The following TNXB variants were observed in gnomAD, a reference collection of about 807,000 sequenced individuals.
TNXB encodes the protein tenascin-X.
A neutral mutation model predicts 340.5 loss-of-function variants in TNXB; 183 were observed. That is an observed-to-expected ratio of 0.54 (90% CI 0.48 to 0.61). The LOEUF is 0.61. Among genes scored for constraint, TNXB ranks in the 20% least tolerant of loss-of-function variants. The pLI is 0.00. For synonymous variants in TNXB, 2,121 were observed against 2,314.5 expected (o/e 0.92, Z 2.40); for missense variants, 4,613 against 5,446.4 (o/e 0.85, Z 4.82).
intron 21 of TNXB, among the ~76,000 whole-genome samples, chr6:32,059,683 C>T (rs1777896505): frequency 6.6e-6 from 1 of 151,834 alleles, no homozygotes; most frequent in Admixed American, 6.5e-5. Flanking sequence ...CCCCTGTTTC[C>T]CAACACTCAG....
chr6:32,054,347 C>G (rs1479430245), intron 24 of TNXB, among the ~76,000 whole-genome samples: 1 of 152,212 alleles, frequency 6.6e-6, no homozygotes, highest in Non-Finnish European at 1.5e-5. Context: ...CATCTCAGCA[C>G]AGACCTGGGC....
chr6:32,084,298 T>G lies in TNXB; in HGVS notation c.3445+115A>C. On this transcript the variant is annotated intron_variant, in intron 8 of 43. Coordinates refer to ENST00000644971, the MANE Select transcript of TNXB (RefSeq NM_001365276.2). The surrounding 1 kb of genome is among the most constrained non-coding windows in gnomAD (Gnocchi z 5.5). ...CACTACTTTCCCTTCAGAATTCAGC[T>G]CATGCACCACTGCCTCCAGGAAGCC... 1 of 1,040,218 alleles carries G rather than the reference T, an allele frequency of 9.6e-7. No homozygotes were observed. The highest frequency in any genetic ancestry group is 1.3e-6 in the Non-Finnish European group (1 of 743,576). 64.4% of individuals were successfully genotyped at this position (1,040,218 alleles called of 1,614,324 possible). A position where few individuals can be genotyped will look rare whatever the true frequency, so the allele number is the denominator to read the frequency against.
At position 32,102,498 on chromosome 6, in the gene TNXB, A is replaced by G. The variant is rs141849248; in HGVS notation, c.-8-4292T>C. 1.1e-3 allele frequency among the ~76,000 whole-genome samples: 166 copies of G among 152,362 alleles called. 1 individual carries two copies. The highest frequency in any genetic ancestry group is 3.8e-3 in the African/African-American group (156 of 41,592). ...CAACATGGGTGAATTTCACACACAT[A>G]GTGCTGAGTAAAAAATATCACACAC... On this transcript the variant is annotated intron_variant, in intron 1 of 43. Transcript: ENST00000644971.
In TNXB at chr6:32,044,385, G is replaced by T; in HGVS notation, c.11259C>A (p.Ser3753Arg). Residue 3753 changes from serine to arginine, a missense_variant, in exon 33 of 44, where the codon AGC becomes AGA. Physicochemically the swap from Ser to Arg is moderately radical, Grantham distance 110. Transcript: ENST00000644971. ...DSIQGTARTL[S>R]PVLESPRDLQ... Reference sequence around the variant, plus strand: ...AGAGTGTGTGTGGGTCCTTACCTGGGCTGAGGGTGCGGGCGGTTCCCTGGA... The same window carrying T: ...AGAGTGTGTGTGGGTCCTTACCTGGTCTGAGGGTGCGGGCGGTTCCCTGGA... The T allele has an allele frequency of 2.3e-6, 1 of 427,478 alleles. No individual in the cohort carries two copies. The highest frequency in any genetic ancestry group is 3.9e-6 in the Non-Finnish European group (1 of 255,048). 26.5% of individuals were successfully genotyped at this position (427,478 alleles called of 1,614,324 possible).
chr6:32,045,936 G>C (rs1776836929), intron 31 of TNXB: 1 of 1,269,850 alleles, frequency 7.9e-7, no homozygotes, highest in Admixed American at 3.4e-5. Flanking sequence ...GCAGAGTCGG[G>C]GCTGGGAGAT....
At chr6:32,101,483 G>A (rs546156539) in intron 1 of TNXB, among the ~76,000 whole-genome samples, 1 of 151,660 alleles carries the variant, frequency 6.6e-6, no homozygotes, top group Non-Finnish European at 1.5e-5. Context: ...TAGAGATGAG[G>A]TTTCACCGTG....
At position 32,072,843 on chromosome 6, in the gene TNXB, C is replaced by T. The variant is rs536824534; in HGVS notation, c.4682-545G>A. Reference sequence around the variant, plus strand: ...GCACGTGCCCGTAATCCCAGTTACTCGGGAGGCTGAGGCAGGAGAATTGCT... The same window carrying T: ...GCACGTGCCCGTAATCCCAGTTACTTGGGAGGCTGAGGCAGGAGAATTGCT... On this transcript the variant is annotated intron_variant, in intron 12 of 43. Coordinates refer to ENST00000644971, the MANE Select transcript of TNXB (RefSeq NM_001365276.2). This position sits in a 1 kb window ranked among gnomAD's most constrained non-coding sequence, Gnocchi z 4.4. 1.3e-5 allele frequency among the ~76,000 whole-genome samples: 2 copies of T among 152,156 alleles called. No individual in the cohort carries two copies. Among genetic ancestry groups the T allele is most frequent in the South Asian group, 2.1e-4 (1 of 4,820 alleles).
At chr6:32,071,181 C>T (rs1007493434) in intron 13 of TNXB, among the ~76,000 whole-genome samples, 5 of 152,132 alleles carry the variant, frequency 3.3e-5, no homozygotes, top group Non-Finnish European at 5.9e-5. Flanking sequence ...ACTGAACCCT[C>T]GGAAAGGGGC....
Position 32,090,504 on chromosome 6 carries a change from G to A in TNXB, c.2359-1125C>T, listed in dbSNP as rs1049478446. 2.6e-5 allele frequency among the ~76,000 whole-genome samples: 4 copies of A among 152,194 alleles called. No homozygotes were observed. The highest frequency in any genetic ancestry group is 9.7e-5 in the African/African-American group (4 of 41,440). ...ACAGCCGCTAAGGATGCTGTGTTCT[G>A]CCTAGCTATGTTGGCTGTGATGGGG... On this transcript the variant is annotated intron_variant, in intron 4 of 43. Coordinates refer to ENST00000644971, the MANE Select transcript of TNXB (RefSeq NM_001365276.2). This position sits in a 1 kb window ranked among gnomAD's most constrained non-coding sequence, Gnocchi z 4.3.
rs1172302819 is a variant in TNXB, at chr6:32,065,063, A to C, written c.6599T>G (p.Met2200Arg). The change falls in exon 19 of 44, where the codon ATG becomes AGG. Residue 2200 changes from methionine (M) to arginine (R), a missense_variant. By Grantham distance (91) the Met-to-Arg change is moderately conservative. Coordinates refer to ENST00000644971, the MANE Select transcript of TNXB (RefSeq NM_001365276.2). ...APLAKLRLGQ[M>R]TVRDITSDSL... ...GTCGGAGGTGATGTCTCTCACTGTCATCTGCCCTAGGCGCAGCTTTGCAAG... is the reference window on the plus strand; with the variant it reads ...GTCGGAGGTGATGTCTCTCACTGTCCTCTGCCCTAGGCGCAGCTTTGCAAG... 2 of 1,603,370 alleles carry C rather than the reference A, an allele frequency of 1.2e-6. No homozygotes were observed. Among genetic ancestry groups the C allele is most frequent in the Admixed American group, 3.4e-5 (2 of 58,576 alleles).
In TNXB at chr6:32,070,112, G is replaced by A. The variant is rs766800573; in HGVS notation, c.5278+15C>T. 1 of 1,541,372 alleles carries A rather than the reference G, an allele frequency of 6.5e-7. No homozygotes were observed. Among genetic ancestry groups the A allele is most frequent in the South Asian group, 1.2e-5 (1 of 80,098 alleles). ...GAGGGGAGCAGAGCAGGGACCTGCA[G>A]GGAATGCCCCTCACCCGTGGTGCCG... On this transcript the variant is annotated intron_variant, in intron 14 of 43. Transcript: ENST00000644971. This position sits in a 1 kb window ranked among gnomAD's most constrained non-coding sequence, Gnocchi z 6.0.
chr6:32,081,637 A>T lies in TNXB; in HGVS notation c.3773T>A (p.Phe1258Tyr). The change falls in exon 10 of 44, where the codon TTC becomes TAC. Residue 1258 changes from phenylalanine (F) to tyrosine (Y), a missense_variant. Phe to Tyr is a conservative substitution (Grantham distance 22). Around this residue, in one of 7 missense-constraint regions of TNXB, gnomAD observed 4,327 missense variants for 4,859.4 expected, o/e 0.89. Coordinates refer to ENST00000644971, the MANE Select transcript of TNXB (RefSeq NM_001365276.2). This position sits in a 1 kb window ranked among gnomAD's most constrained non-coding sequence, Gnocchi z 5.1. ...TTCCCCCAGGAGGGGCTGCTCCAGG[A>T]ACTCAGGGCGGGGGGGCTCCTCTTT... Reference protein sequence around the residue: ...ERKEEPPRPEFLEQPLLGELT... With the variant: ...ERKEEPPRPEYLEQPLLGELT... The T allele has an allele frequency of 6.3e-7, 1 of 1,596,858 alleles. No homozygotes were observed. The highest frequency in any genetic ancestry group is 8.5e-7 in the Non-Finnish European group (1 of 1,172,334).
Position 32,067,208 on chromosome 6 carries a change from A to G in TNXB, c.6544+453T>C, listed in dbSNP as rs1443733956. On this transcript the variant is annotated intron_variant, in intron 18 of 43. Transcript: ENST00000644971. The surrounding 1 kb of genome is among the most constrained non-coding windows in gnomAD (Gnocchi z 4.2). ...GAAAACATTCTAGTGATTCTAGTGG[A>G]GGAAGTGGGTGGGGCAGAGATGAGC... Among the ~76,000 whole-genome samples, 1 of 149,012 alleles carries G rather than the reference A, an allele frequency of 6.7e-6. No individual in the cohort carries two copies. Among genetic ancestry groups the G allele is most frequent in the Non-Finnish European group, 1.5e-5 (1 of 66,936 alleles).
intron 4 of TNXB, chr6:32,093,575 C>G (rs1319625890): frequency 1.9e-6 from 1 of 513,140 alleles, no homozygotes; most frequent in South Asian, 3.2e-5. Context: ...TTTATTTTTA[C>G]AGAGTCCTGG....
chr6:32,050,125 C>T lies in TNXB; in HGVS notation c.9312G>A (p.Val3104=). 5 of 1,613,786 alleles carry T rather than the reference C, an allele frequency of 3.1e-6. No individual in the cohort carries two copies. Among genetic ancestry groups the T allele is most frequent in the Middle Eastern group, 1.7e-4 (1 of 6,036 alleles). Residue 3104 remains valine, a synonymous_variant, in exon 27 of 44, where the codon GTG becomes GTA. Coordinates refer to ENST00000644971, the MANE Select transcript of TNXB (RefSeq NM_001365276.2). ...CCCCGTCCTCGTGCCCCGGCACCCG[C>T]ACCGCCTTGGGCTGCCCATCCCCAT... ...YRNGDGQPKA[V]RVPGHEDGVT... is the part of the protein sequence containing the mutation.
At chr6:32,099,946 TAAAAAAAAAAAA>T (rs34833929) in intron 1 of TNXB, among the ~76,000 whole-genome samples, 2 of 62,826 alleles carry the variant, frequency 3.2e-5, no homozygotes, top group Non-Finnish European at 6.0e-5. Flanking sequence ...CATCCCTAAG[TAAAAAAAAAAAA>T]AAAAAAAAAA....
chr6:32,093,087 G>C (rs1441722314), intron 4 of TNXB: 3 of 426,166 alleles, frequency 7.0e-6, no homozygotes, highest in South Asian at 4.2e-5. Context: ...TGCCCTAAAA[G>C]CTCCTCTTAT....
rs2151914789 is a variant in TNXB, at chr6:32,068,587, G to A, written c.6023C>T (p.Thr2008Ile). The A allele has an allele frequency of 6.2e-7, 1 of 1,613,970 alleles. No homozygotes were observed. Among genetic ancestry groups the A allele is most frequent in the South Asian group, 1.1e-5 (1 of 91,084 alleles). The change falls in exon 17 of 44, where the codon ACA becomes ATA. Residue 2008 changes from threonine to isoleucine, a missense_variant. Physicochemically the swap from Thr to Ile is moderately conservative, Grantham distance 89. Transcript: ENST00000644971. The surrounding 1 kb of genome is among the most constrained non-coding windows in gnomAD (Gnocchi z 5.3). ...ATPDSLSLSW[T>I]VPEGQFDHFL... ...GTGGTCAAACTGTCCCTCGGGAACTGTCCAGGACAGGCTGAGGGAGTCAGG... is the reference window on the plus strand; with the variant it reads ...GTGGTCAAACTGTCCCTCGGGAACTATCCAGGACAGGCTGAGGGAGTCAGG...
In TNXB at chr6:32,087,164, G is replaced by A. The variant is rs577387032; in HGVS notation, c.2780-1046C>T. 1.1e-5 allele frequency: 5 copies of A among 442,142 alleles called. No individual in the cohort carries two copies. The highest frequency in any genetic ancestry group is 7.1e-5 in the Admixed American group (3 of 42,020). 27.4% of individuals were successfully genotyped at this position (442,142 alleles called of 1,614,324 possible). A position where few individuals can be genotyped will look rare whatever the true frequency, so the allele number is the denominator to read the frequency against. Reference sequence around the variant, plus strand: ...AGGTAGAAGGGGGCAGTGGGGGGTGGCAGTGGGAGGAATTCATGAATGCAG... The same window carrying A: ...AGGTAGAAGGGGGCAGTGGGGGGTGACAGTGGGAGGAATTCATGAATGCAG... On this transcript the variant is annotated intron_variant, in intron 6 of 43. Coordinates refer to ENST00000644971, the MANE Select transcript of TNXB (RefSeq NM_001365276.2). The surrounding 1 kb of genome is among the most constrained non-coding windows in gnomAD (Gnocchi z 9.0).
Sources: gnomAD v4.1 joint callset for allele counts (sites outside exome capture counted in the v4.1 genomes callset) on GRCh38, gnomAD v4.1.1 for gene constraint, gnomAD v4.1.1 regional missense constraint, Gnocchi (gnomAD v3.1) non-coding constraint, MANE v1.5 for transcripts, NCBI Gene and HGNC (gene_info 2026-07-23, HGNC 2026-07-21) for gene names.